CALN1: variants seen among roughly 807,000 people sequenced by gnomAD.
CALN1 encodes the protein calneuron 1.
In CALN1, 17 loss-of-function variants were observed where a neutral mutation model predicts 30.6. The ratio of observed to expected loss-of-function variants is 0.56; its 90% CI spans 0.38 to 0.83. The LOEUF (loss-of-function observed/expected upper bound fraction) is 0.83. CALN1 is among the 40% of genes least tolerant of loss of function. The pLI, the probability that CALN1 is intolerant of heterozygous loss-of-function variation, is 0.00. For missense variants in CALN1, 291 were observed against 354.9 expected (o/e 0.82, Z 1.45); for synonymous variants, 156 against 131.4 (o/e 1.19, Z -1.28).
At position 72,436,283 on chromosome 7, in the gene CALN1, T is replaced by C. The variant is rs145404282; in HGVS notation, c.-226+10759A>G. ...ATCATGGAGGTGATTTCCCCCATTC[T>C]GTTCTCATGATAGTGACTAAGTTTC... On this transcript the variant is annotated intron_variant, in intron 1 of 6. Transcript: ENST00000395276. Among the ~76,000 whole-genome samples the C allele has an allele frequency of 4.1e-3, 629 of 152,334 alleles. 3 individuals are homozygous for C. Among genetic ancestry groups the C allele is most frequent in the African/African-American group, 0.012 (513 of 41,566 alleles).
intron 2 of CALN1, among the ~76,000 whole-genome samples, chr7:72,382,231 T>A (rs1203046393): frequency 1.3e-5 from 2 of 152,094 alleles, no homozygotes; most frequent in African/African-American, 2.4e-5. Flanking sequence ...CCAGGGAGAT[T>A]AGCAATAGGA....
intron 2 of CALN1, among the ~76,000 whole-genome samples, chr7:72,304,603 C>T (rs1000826795): frequency 8.5e-5 from 13 of 152,150 alleles, no homozygotes; most frequent in African/African-American, 3.1e-4. Flanking sequence ...GGGGGTATAG[C>T]TGCCAGCGTC....
chr7:72,342,816 A>C (rs924254704), intron 2 of CALN1, among the ~76,000 whole-genome samples: 1 of 152,210 alleles, frequency 6.6e-6, no homozygotes, highest in Non-Finnish European at 1.5e-5. Context: ...AGGGTGATGA[A>C]AAGATTCATT....
intron 3 of CALN1, among the ~76,000 whole-genome samples, chr7:72,110,671 T>TC (rs1424194920): frequency 1.3e-5 from 2 of 149,886 alleles, no homozygotes; most frequent in African/African-American, 2.5e-5. Flanking sequence ...TTTTTTTTTT[T>TC]CAAAATAGCA....
At chr7:71,884,329 A>T (rs1792767343) in intron 5 of CALN1, among the ~76,000 whole-genome samples, 2 of 152,272 alleles carry the variant, frequency 1.3e-5, no homozygotes, top group Non-Finnish European at 2.9e-5. Context: ...GTCCTGGAGG[A>T]GGTCCAGAAT....
chr7:71,888,355 T>C (rs1049570531), intron 5 of CALN1, among the ~76,000 whole-genome samples: 9 of 151,318 alleles, frequency 5.9e-5, no homozygotes, highest in Middle Eastern at 3.4e-3. Context: ...TCTATGAATA[T>C]ACTGAAAACC....
intron 5 of CALN1, among the ~76,000 whole-genome samples, chr7:71,950,255 G>A (rs901271515): frequency 7.9e-5 from 12 of 152,072 alleles, no homozygotes; most frequent in Admixed American, 4.6e-4. Flanking sequence ...TGGGCAGGGC[G>A]GAAAGGGGTC....
At chr7:72,469,659 A>G in the CALN1 span, among the ~76,000 whole-genome samples, 1 of 152,156 alleles carries the variant, frequency 6.6e-6, no homozygotes, top group Non-Finnish European at 1.5e-5. Flanking sequence ...TAGGCCTCCC[A>G]AATTGCTGGG....
At chr7:72,293,204 C>T (rs1371720641) in intron 2 of CALN1, among the ~76,000 whole-genome samples, 2 of 152,180 alleles carry the variant, frequency 1.3e-5, no homozygotes, top group Non-Finnish European at 2.9e-5. Flanking sequence ...AACAGAGATA[C>T]TTAGCAGAGA....
At chr7:72,257,160 A>T (rs1251440769) in intron 3 of CALN1, among the ~76,000 whole-genome samples, 2 of 152,184 alleles carry the variant, frequency 1.3e-5, no homozygotes, top group African/African-American at 4.8e-5. Context: ...ACTGCCACTT[A>T]CAAAACCATC....
chr7:71,993,179 C>T (rs547298451), intron 5 of CALN1, among the ~76,000 whole-genome samples: 76 of 152,190 alleles, frequency 5.0e-4, no homozygotes, highest in African/African-American at 1.7e-3. Context: ...AAGTGGAAGA[C>T]GGAGGTGCAG....
chr7:71,953,211 G>C (rs1188294920), intron 5 of CALN1, among the ~76,000 whole-genome samples: 1 of 151,980 alleles, frequency 6.6e-6, no homozygotes, highest in East Asian at 1.9e-4. Context: ...TTCCACTTTG[G>C]CCTCCCAAGT....
chr7:72,368,809 C>CTTT (rs57192078), intron 2 of CALN1, among the ~76,000 whole-genome samples: 66 of 101,534 alleles, frequency 6.5e-4, no homozygotes, highest in African/African-American at 1.6e-3. Context: ...GTTTGAAACC[C>CTTT]TTTTTTTTTT....
At chr7:72,354,118 G>A (rs577927788) in intron 2 of CALN1, among the ~76,000 whole-genome samples, 1 of 152,182 alleles carries the variant, frequency 6.6e-6, no homozygotes, top group Admixed American at 6.5e-5. Context: ...ACCCAAGAGG[G>A]GGAGGTTGCA....
At chr7:71,802,541 C>A (rs770458878) in intron 6 of CALN1, among the ~76,000 whole-genome samples, 1 of 152,188 alleles carries the variant, frequency 6.6e-6, no homozygotes, top group Non-Finnish European at 1.5e-5. Context: ...TAGCTCACTG[C>A]AGCCTCGAAC....
chr7:72,271,575 A>AAAAAAAAAAATATATATAT, intron 3 of CALN1, among the ~76,000 whole-genome samples: 2 of 52,126 alleles, frequency 3.8e-5, no homozygotes, highest in East Asian at 9.9e-4. Flanking sequence ...AAAAAAAAAA[A>AAAAAAAAAAATATATATAT]ATATATATAT....
chr7:71,948,156 T>C (rs1192374713), intron 5 of CALN1, among the ~76,000 whole-genome samples: 1 of 152,032 alleles, frequency 6.6e-6, no homozygotes, highest in African/African-American at 2.4e-5. Flanking sequence ...GTTTGTATTA[T>C]GAGGACTCAC....
At chr7:72,449,056 C>A (rs1446251823), upstream of CALN1, among the ~76,000 whole-genome samples, 3 of 152,048 alleles carry the variant, frequency 2.0e-5, no homozygotes, top group Non-Finnish European at 1.5e-5. Context: ...TCAGAGTGAA[C>A]CCCAGATCCC....
At chr7:71,898,190 C>T (rs1027452577) in intron 5 of CALN1, among the ~76,000 whole-genome samples, 3 of 151,880 alleles carry the variant, frequency 2.0e-5, no homozygotes, top group Admixed American at 6.6e-5. Context: ...ATTAGCTGGG[C>T]ATGGTGGCAC....
Sources: allele counts gnomAD v4.1 joint callset (sites outside exome capture counted in the v4.1 genomes callset), GRCh38; gene constraint gnomAD v4.1.1; transcripts MANE v1.5; gene names NCBI Gene and HGNC (gene_info 2026-07-23, HGNC 2026-07-21).